The following MARK3 variants were observed in gnomAD, a reference collection of about 807,000 sequenced individuals.
MARK3 encodes the protein microtubule affinity regulating kinase 3.
Under a neutral mutation model 90.1 loss-of-function variants are expected in MARK3, and 46 were observed. That is an observed-to-expected ratio of 0.51 (90% CI 0.40 to 0.65). The LOEUF (loss-of-function observed/expected upper bound fraction) is 0.65. Ranked by LOEUF, MARK3 falls within the 30% of genes least tolerant of loss-of-function variation. MARK3 has a pLI of 0.00. For synonymous variants in MARK3, 321 were observed against 332.6 expected, an observed-to-expected ratio of 0.97 and a Z score of 0.38; for missense variants, 818 against 947.2, an observed-to-expected ratio of 0.86 and a Z score of 1.79.
rs755429117 is a variant in MARK3 at position 103,462,402 on chromosome 14, C to G, written c.484-3C>G. 6.3e-7 allele frequency: 1 copy of G among 1,599,650 alleles called. No individual in the cohort carries two copies. Among genetic ancestry groups the G allele is most frequent in the Non-Finnish European group, 8.6e-7 (1 of 1,167,930 alleles). On this transcript the variant is annotated splice_region_variant and splice_polypyrimidine_tract_variant and intron_variant, in intron 6 of 17. Coordinates refer to ENST00000429436, the MANE Select transcript of MARK3 (RefSeq NM_001128918.3). ...TGACTGACTCTGCGTCTCTCCTATT[C>G]AGATTGTGTCTGCAGTTCAATACTG...
At chr14:103,450,531 C>G (rs1046803577) in intron 4 of MARK3, among the ~76,000 whole-genome samples, 9 of 151,948 alleles carry the variant, frequency 5.9e-5, no homozygotes, top group African/African-American at 2.2e-4. Flanking sequence ...CCCAGAAGAC[C>G]CAAAGTTTCG....
chr14:103,386,472 G>A (rs2089808857), intron 1 of MARK3: 1 of 503,278 alleles, frequency 2.0e-6, no homozygotes, highest in African/African-American at 1.9e-5. Context: ...TTGAGAGACT[G>A]TCACATTAAT....
At chr14:103,501,031 T>C (rs79027648) in intron 17 of MARK3, among the ~76,000 whole-genome samples, 294 of 152,318 alleles carry the variant, frequency 1.9e-3, no homozygotes, top group Non-Finnish European at 2.8e-3. Context: ...ACTTGTGCCC[T>C]TTTTTTATGC....
intron 4 of MARK3, among the ~76,000 whole-genome samples, chr14:103,450,130 T>C (rs1053759073): frequency 1.9e-4 from 29 of 152,242 alleles, no homozygotes; most frequent in Admixed American, 1.4e-3. Flanking sequence ...CATCCTGATA[T>C]CAGGGATATT....
rs771258420 is a variant in MARK3, at chr14:103,502,869, C to G, written c.1917-13C>G. 3 of 1,596,152 alleles carry G rather than the reference C, an allele frequency of 1.9e-6. No individual in the cohort carries two copies. The highest frequency in any genetic ancestry group is 1.7e-6 in the Non-Finnish European group (2 of 1,167,318). On this transcript the variant is annotated splice_polypyrimidine_tract_variant and intron_variant, in intron 17 of 17. Coordinates refer to ENST00000429436, the MANE Select transcript of MARK3 (RefSeq NM_001128918.3). ...TGTACGATTAAAAATAAACCTGCCT[C>G]TATGCATTTCAGTCGCAATGTATCT...
intron 10 of MARK3, among the ~76,000 whole-genome samples, 167 bp downstream of exon 10, chr14:103,466,609 A>G (rs1017678924): frequency 1.3e-5 from 2 of 152,378 alleles, no homozygotes; most frequent in East Asian, 1.9e-4. Context: ...GCAGTTTCCT[A>G]TAATGGCACC....
At chr14:103,496,974 T>G (rs2075383506) in intron 15 of MARK3, among the ~76,000 whole-genome samples, 1 of 152,140 alleles carries the variant, frequency 6.6e-6, no homozygotes, top group African/African-American at 2.4e-5. Context: ...CCCAGGAGTT[T>G]GAGGTTACAG....
chr14:103,452,397 A>T (rs2093167698), intron 5 of MARK3, among the ~76,000 whole-genome samples: 1 of 151,308 alleles, frequency 6.6e-6, no homozygotes, highest in Non-Finnish European at 1.5e-5. Flanking sequence ...GTCCTTGGCA[A>T]CCATTCTCCT....
At chr14:103,469,829 G>A (rs536028057) in intron 12 of MARK3, among the ~76,000 whole-genome samples, 7 of 152,054 alleles carry the variant, frequency 4.6e-5, no homozygotes, top group South Asian at 4.2e-4. Context: ...TTGGGAGGCC[G>A]AGGCGTGTGG....
At chr14:103,478,836 G>C (rs1397218452) in intron 13 of MARK3, among the ~76,000 whole-genome samples, 1 of 152,072 alleles carries the variant, frequency 6.6e-6, no homozygotes, top group African/African-American at 2.4e-5. Context: ...ACTGTGCCCA[G>C]CCTGCAGCAT....
chr14:103,428,122 A>G (rs919917828), intron 2 of MARK3, among the ~76,000 whole-genome samples: 12 of 152,192 alleles, frequency 7.9e-5, no homozygotes, highest in African/African-American at 2.9e-4. Flanking sequence ...TTCAAGCCAA[A>G]TAGGGGTGAT....
intron 3 of MARK3, among the ~76,000 whole-genome samples, chr14:103,435,961 G>A (rs1393213195): frequency 6.6e-6 from 1 of 151,912 alleles, no homozygotes; most frequent in East Asian, 1.9e-4. Flanking sequence ...TGCCATCTCG[G>A]CTCACTGCAA....
chr14:103,443,699 G>C (rs2092920270), intron 3 of MARK3, among the ~76,000 whole-genome samples: 1 of 152,224 alleles, frequency 6.6e-6, no homozygotes, highest in South Asian at 2.1e-4. Flanking sequence ...AGACCAGCCT[G>C]TGGCAACCAG....
At chr14:103,498,470 A>ATTT (rs202211193) in intron 15 of MARK3, 32 bp from the exon 16 acceptor site, 143 of 1,052,438 alleles carry the variant, frequency 1.4e-4, no homozygotes, top group East Asian at 1.1e-3. Context: ...ATTTTTGTTA[A>ATTT]TTTTTTTTTT....
intron 3 of MARK3, among the ~76,000 whole-genome samples, chr14:103,433,746 A>T (rs2092648451): frequency 6.6e-6 from 1 of 152,102 alleles, no homozygotes; most frequent in Non-Finnish European, 1.5e-5. Flanking sequence ...TTTTCTTCTG[A>T]TTTCTAGGAA....
At chr14:103,447,474 C>A (rs182234440) in intron 3 of MARK3, among the ~76,000 whole-genome samples, 1 of 152,138 alleles carries the variant, frequency 6.6e-6, no homozygotes, top group African/African-American at 2.4e-5. Flanking sequence ...GGTTTTTCCC[C>A]GCTTTTGCCT....
intron 3 of MARK3, among the ~76,000 whole-genome samples, 199 bp from the exon 4 acceptor site, chr14:103,448,720 A>G (rs994594672): frequency 2.0e-5 from 3 of 152,218 alleles, no homozygotes; most frequent in African/African-American, 7.2e-5. Context: ...GCATTTGGGA[A>G]TACTATTTGG....
At chr14:103,415,091 G>A (rs2091881499) in intron 2 of MARK3, among the ~76,000 whole-genome samples, 1 of 136,102 alleles carries the variant, frequency 7.3e-6, no homozygotes, top group Non-Finnish European at 1.5e-5. Flanking sequence ...GGCGGAGGTT[G>A]CAGTGAGCCA....
chr14:103,424,091 C>G (rs893929547), intron 2 of MARK3, among the ~76,000 whole-genome samples: 10 of 151,998 alleles, frequency 6.6e-5, no homozygotes, highest in Non-Finnish European at 1.5e-4. Flanking sequence ...GCCTGTAATC[C>G]CAGCTACTTG....
Sources: allele counts gnomAD v4.1 joint callset (sites outside exome capture counted in the v4.1 genomes callset), GRCh38; gene constraint gnomAD v4.1.1; transcripts MANE v1.5; gene names NCBI Gene and HGNC (gene_info 2026-07-23, HGNC 2026-07-21).